The following SEMA6D variants were observed in gnomAD, a reference collection of about 807,000 sequenced individuals.
The protein encoded by SEMA6D is semaphorin-6D.
Under a neutral mutation model 106.6 loss-of-function variants are expected in SEMA6D, and 35 were observed. The ratio of observed to expected loss-of-function variants is 0.33; its 90% confidence interval spans 0.25 to 0.44. SEMA6D has a LOEUF of 0.44. Among genes scored for constraint, SEMA6D ranks in the 20% least tolerant of loss-of-function variants. The pLI is 1.00. For synonymous variants in SEMA6D, 499 were observed against 487.7 expected (o/e 1.02, Z -0.31); for missense variants, 1,185 against 1,345.9 (o/e 0.88, Z 1.87).
chr15:47,184,644 G>A (rs1355688872), intron 1 of SEMA6D, among the ~76,000 whole-genome samples: 1 of 152,148 alleles, frequency 6.6e-6, no homozygotes, highest in Non-Finnish European at 1.5e-5. Flanking sequence ...CGGCAGAGTT[G>A]TTGGCACTGA....
At chr15:47,300,618 T>A (rs2035984065) in intron 1 of SEMA6D, among the ~76,000 whole-genome samples, 1 of 152,224 alleles carries the variant, frequency 6.6e-6, no homozygotes, top group Non-Finnish European at 1.5e-5. Context: ...CCTTTGAGGC[T>A]CCCATTCTGG....
intron 4 of SEMA6D, among the ~76,000 whole-genome samples, chr15:47,649,794 A>G (rs1009736837): frequency 1.3e-5 from 2 of 150,360 alleles, no homozygotes; most frequent in Non-Finnish European, 2.9e-5. Flanking sequence ...ACAACTTTTC[A>G]AAGATATTGC....
At chr15:47,625,675 G>C (rs1009095085) in intron 4 of SEMA6D, among the ~76,000 whole-genome samples, 1 of 151,512 alleles carries the variant, frequency 6.6e-6, no homozygotes, top group Non-Finnish European at 1.5e-5. Context: ...GGGTGACAGA[G>C]CCTGACCGTG....
intron 3 of SEMA6D, among the ~76,000 whole-genome samples, chr15:47,588,131 AC>A (rs2076376407): frequency 6.6e-6 from 1 of 151,734 alleles, no homozygotes; most frequent in Non-Finnish European, 1.5e-5. Context: ...TCCCATACAC[AC>A]TCCTAGTCCC....
chr15:47,307,116 A>G (rs1232408897), intron 1 of SEMA6D, among the ~76,000 whole-genome samples: 1 of 152,202 alleles, frequency 6.6e-6, no homozygotes, highest in African/African-American at 2.4e-5. Flanking sequence ...AATAGCATTT[A>G]TCTTATTGGG....
chr15:47,771,694 G>A lies in SEMA6D; in HGVS notation c.3131G>A (p.Arg1044Lys), dbSNP rs1263279593. 6.2e-7 allele frequency: 1 copy of A among 1,614,088 alleles called. No homozygotes were observed. The highest frequency in any genetic ancestry group is 2.2e-5 in the East Asian group (1 of 44,864). ...NGTLPRTGLK[R>K]TPSLKPDVPP... ...ACTCTTCCTAGGACGGGACTAAAGAGGACGCCGTCCTTAAAACCTGACGTG... is the reference window on the plus strand; with the variant it reads ...ACTCTTCCTAGGACGGGACTAAAGAAGACGCCGTCCTTAAAACCTGACGTG... Residue 1044 changes from arginine to lysine, a missense_variant, in exon 19 of 19, where the codon AGG becomes AAG. Physicochemically the swap from Arg to Lys is conservative, Grantham distance 26. Around this residue, in one of 3 missense-constraint regions of SEMA6D, gnomAD observed 750 missense variants for 783.5 expected, o/e 0.96. Coordinates refer to ENST00000536845, the MANE Select transcript of SEMA6D (RefSeq NM_001358351.3).
At chr15:47,708,911 A>G (rs1010835187) in intron 4 of SEMA6D, among the ~76,000 whole-genome samples, 1 of 152,324 alleles carries the variant, frequency 6.6e-6, no homozygotes, top group East Asian at 1.9e-4. Flanking sequence ...TTGCAAAAGG[A>G]GCACCCCTAC....
At chr15:47,521,771 G>A (rs912571840) in intron 3 of SEMA6D, among the ~76,000 whole-genome samples, 1 of 152,146 alleles carries the variant, frequency 6.6e-6, no homozygotes, top group South Asian at 2.1e-4. Context: ...GGATCACAAG[G>A]TCAGGAGATT....
chr15:47,389,326 G>C (rs2039951346), intron 1 of SEMA6D, among the ~76,000 whole-genome samples: 1 of 152,080 alleles, frequency 6.6e-6, no homozygotes, highest in Admixed American at 6.5e-5. Context: ...ACCTTAAGGA[G>C]ACTTTGACAT....
intron 1 of SEMA6D, among the ~76,000 whole-genome samples, chr15:47,408,968 G>A (rs2040691879): frequency 6.6e-6 from 1 of 152,188 alleles, no homozygotes; most frequent in Non-Finnish European, 1.5e-5. Context: ...CTGTTTTGTT[G>A]CCAGTTGTAC....
At chr15:47,449,533 T>C (rs1426444304) in intron 2 of SEMA6D, among the ~76,000 whole-genome samples, 1 of 152,124 alleles carries the variant, frequency 6.6e-6, no homozygotes, top group Non-Finnish European at 1.5e-5. Context: ...ATGACCCAGT[T>C]CATATCAATT....
At chr15:47,591,756 A>G (rs16959719) in intron 3 of SEMA6D, among the ~76,000 whole-genome samples, 9,820 of 152,296 alleles carry the variant, frequency 0.064, 494 homozygotes, top group East Asian at 0.19. Context: ...GGAGAATGAC[A>G]TATGGGAGTG....
intron 1 of SEMA6D, among the ~76,000 whole-genome samples, chr15:47,750,941 A>G (rs190014041): frequency 6.6e-6 from 1 of 152,264 alleles, no homozygotes; most frequent in Admixed American, 6.5e-5. Context: ...TGAAAACACC[A>G]CATCAGCCAA....
chr15:47,373,576 A>G (rs1014201311), intron 1 of SEMA6D, among the ~76,000 whole-genome samples: 1 of 152,242 alleles, frequency 6.6e-6, no homozygotes, highest in Middle Eastern at 3.4e-3. Flanking sequence ...CCCCTATCCC[A>G]CTTTTCTAAT....
At chr15:47,226,319 G>A (rs62013977) in intron 1 of SEMA6D, among the ~76,000 whole-genome samples, 1,863 of 152,084 alleles carry the variant, frequency 0.012, 57 homozygotes, top group Admixed American at 0.013. Flanking sequence ...GAGACAATAA[G>A]TTTCTGTTGT....
chr15:47,656,778 G>C (rs947708734), intron 4 of SEMA6D, among the ~76,000 whole-genome samples: 5 of 152,172 alleles, frequency 3.3e-5, no homozygotes, highest in Non-Finnish European at 7.4e-5. Context: ...AGAGCCCCTT[G>C]ATGATCAATA....
intron 18 of SEMA6D, among the ~76,000 whole-genome samples, chr15:47,768,999 A>C (rs766864866): frequency 4.6e-5 from 7 of 152,192 alleles, no homozygotes; most frequent in Non-Finnish European, 8.8e-5. Context: ...ATCTGTGTTG[A>C]TTTCTGTCTG....
intron 2 of SEMA6D, among the ~76,000 whole-genome samples, chr15:47,416,431 T>A (rs1345398052): frequency 6.6e-6 from 1 of 152,088 alleles, no homozygotes. Context: ...GAGAATAAGG[T>A]TAAGTATGGG....
chr15:47,591,821 T>C (rs2076445773), intron 3 of SEMA6D, among the ~76,000 whole-genome samples: 1 of 152,140 alleles, frequency 6.6e-6, no homozygotes, highest in African/African-American at 2.4e-5. Context: ...ATCTAGTGTC[T>C]CTGTGTCTGA....
Sources: gnomAD v4.1 joint callset for allele counts (sites outside exome capture counted in the v4.1 genomes callset) on GRCh38, gnomAD v4.1.1 for gene constraint, gnomAD v4.1.1 regional missense constraint, MANE v1.5 for transcripts, NCBI Gene and HGNC (gene_info 2026-07-23, HGNC 2026-07-21) for gene names.